The following TASOR variants were observed in gnomAD, a reference collection of about 807,000 sequenced individuals.
TASOR encodes the protein transcription activation suppressor.
Under a neutral mutation model 178.6 loss-of-function variants are expected in TASOR, and 53 were observed. That is an observed-to-expected ratio of 0.30 (90% CI 0.24 to 0.37). The LOEUF (loss-of-function observed/expected upper bound fraction) is 0.37, where lower values mean the gene tolerates loss of function less well. Among genes scored for constraint, TASOR ranks in the 10% least tolerant of loss-of-function variants. The pLI is 1.00. For missense variants in TASOR, 1,815 were observed against 1,971.4 expected, an observed-to-expected ratio of 0.92 and a Z score of 1.50; for synonymous variants, 713 against 696.2, an observed-to-expected ratio of 1.02 and a Z score of -0.38.
chr3:56,671,468 C>G, intron 3 of TASOR, 132 bp downstream of exon 3: 3 of 589,516 alleles, frequency 5.1e-6, no homozygotes, highest in Non-Finnish European at 8.5e-6. Flanking sequence ...CATTTTGCCC[C>G]ATTAAATCAT....
intron 1 of TASOR, among the ~76,000 whole-genome samples, chr3:56,675,412 G>A (rs1697834128): frequency 1.4e-5 from 2 of 147,606 alleles, no homozygotes; most frequent in African/African-American, 5.0e-5. Context: ...CCTGACCTCA[G>A]GTAATCCACC....
intron 17 of TASOR, 24 bp from the exon 18 acceptor site, chr3:56,633,990 A>T (rs1027627849): frequency 6.8e-7 from 1 of 1,479,358 alleles, no homozygotes; most frequent in African/African-American, 1.4e-5. Context: ...GTTCATTATT[A>T]TAAGAGCAAT....
chr3:56,637,216 A>G (rs1414823398), intron 17 of TASOR, among the ~76,000 whole-genome samples: 3 of 152,210 alleles, frequency 2.0e-5, no homozygotes, highest in African/African-American at 7.2e-5. Context: ...GAAACGTTCT[A>G]CATCTTGATT....
At chr3:56,674,043 T>A (rs2031015481) in intron 1 of TASOR, among the ~76,000 whole-genome samples, 1 of 152,054 alleles carries the variant, frequency 6.6e-6, no homozygotes, top group Non-Finnish European at 1.5e-5. Context: ...GAACCTGTGT[T>A]TATACTCAAC....
chr3:56,669,493 C>T (rs147874561), intron 5 of TASOR, among the ~76,000 whole-genome samples: 4,038 of 151,996 alleles, frequency 0.027, 96 homozygotes, highest in African/African-American at 0.06. Flanking sequence ...GGCAACAGAG[C>T]GAGACTCCAT....
intron 11 of TASOR, among the ~76,000 whole-genome samples, chr3:56,659,875 T>C (rs935439303): frequency 6.6e-6 from 1 of 151,982 alleles, no homozygotes; most frequent in African/African-American, 2.4e-5. Flanking sequence ...TTGGATTTTC[T>C]TTTTTCTTTT....
chr3:56,644,459 G>C (rs970133901), intron 14 of TASOR, among the ~76,000 whole-genome samples: 3 of 152,082 alleles, frequency 2.0e-5, no homozygotes, highest in East Asian at 3.8e-4. Context: ...TATAAGGCTT[G>C]AAAGAAATGG....
intron 7 of TASOR, among the ~76,000 whole-genome samples, chr3:56,664,872 A>G (rs2077673371): frequency 6.6e-6 from 1 of 152,228 alleles, no homozygotes; most frequent in African/African-American, 2.4e-5. Context: ...AGAAAACCAA[A>G]AAAAAGGAAA....
intron 6 of TASOR, among the ~76,000 whole-genome samples, chr3:56,667,490 TA>T (rs542212239): frequency 1.8e-4 from 27 of 151,282 alleles, no homozygotes; most frequent in Non-Finnish European, 3.1e-4. Context: ...CCATCTCTAC[TA>T]AAAAAAATAC....
rs112407887 is a variant in TASOR, at chr3:56,657,329, A to G, written c.1368+3402T>C. On this transcript the variant is annotated intron_variant, in intron 11 of 23. Transcript: ENST00000683822. ...GCAACAGAGCAAGGCTCTGTCTCGA[A>G]AAAAAAAAAAAAAAAAGTCAATATA... 5.3e-3 allele frequency among the ~76,000 whole-genome samples: 703 copies of G among 131,914 alleles called. 8 individuals are homozygous for G. The highest frequency in any genetic ancestry group is 0.019 in the African/African-American group (658 of 34,584). 86.5% of individuals were successfully genotyped at this position (131,914 alleles called of 152,430 possible).
At chr3:56,639,069 C>G (rs2077070451) in intron 16 of TASOR, among the ~76,000 whole-genome samples, 1 of 152,190 alleles carries the variant, frequency 6.6e-6, no homozygotes, top group Admixed American at 6.5e-5. Flanking sequence ...TAGGTTCCCT[C>G]TATCATCACC....
At chr3:56,636,836 A>G (rs1300434060) in intron 17 of TASOR, among the ~76,000 whole-genome samples, 1 of 152,204 alleles carries the variant, frequency 6.6e-6, no homozygotes, top group Non-Finnish European at 1.5e-5. Flanking sequence ...GTATTTCCAA[A>G]TAAGAGGAAT....
At chr3:56,668,064 T>C (rs62251230) in intron 6 of TASOR, among the ~76,000 whole-genome samples, 7,472 of 152,282 alleles carry the variant, frequency 0.049, 192 homozygotes, top group East Asian at 0.091. Context: ...GAGATCTTTC[T>C]AGGCCAGGAA....
intron 19 of TASOR, among the ~76,000 whole-genome samples, chr3:56,628,019 G>GT (rs1578186977): frequency 6.6e-6 from 1 of 152,200 alleles, no homozygotes; most frequent in East Asian, 1.9e-4. Context: ...TCTATAACCT[G>GT]TGAGTACAGT....
chr3:56,683,058 G>GT lies in TASOR; in HGVS notation c.-53dup. On this transcript the variant is annotated 5_prime_UTR_variant, in exon 1 of 24. Transcript: ENST00000683822. ...GCTTCTGCCCACAAGGTCGACGGGT[G>GT]TGGGGGGAAGGGGCGGCGGGCCAGT... is the stretch of plus-strand genomic sequence containing the variant. The GT allele has an allele frequency of 6.9e-7, 1 of 1,446,208 alleles. No homozygotes were observed. Among genetic ancestry groups the GT allele is most frequent in the Non-Finnish European group, 9.1e-7 (1 of 1,097,084 alleles). 89.6% of individuals were successfully genotyped at this position (1,446,208 alleles called of 1,614,324 possible).
chr3:56,674,904 C>T (rs754640075), intron 1 of TASOR, among the ~76,000 whole-genome samples: 3 of 152,126 alleles, frequency 2.0e-5, no homozygotes, highest in East Asian at 1.9e-4. Flanking sequence ...CTGCAAGCTC[C>T]GCCTCCAAGG....
intron 18 of TASOR, chr3:56,629,210 TGA>T (rs1244831949): frequency 6.6e-6 from 1 of 152,180 alleles, no homozygotes; most frequent in African/African-American, 2.4e-5. Flanking sequence ...AGTAACAGTG[TGA>T]GTTAACAGAA....
At position 56,631,584 on chromosome 3, in the gene TASOR, G is replaced by GTTTT. The variant is rs932459148; in HGVS notation, c.3747+1456_3747+1459dup. Among the ~76,000 whole-genome samples the GTTTT allele has an allele frequency of 8.1e-3, 913 of 113,344 alleles. 19 individuals are homozygous for GTTTT. The highest frequency in any genetic ancestry group is 0.03 in the African/African-American group (829 of 27,598). 74.4% of individuals were successfully genotyped at this position (113,344 alleles called of 152,430 possible). Reference sequence around the variant, plus strand: ...TGTGTGTGTGTGTCTGTGTTTTTTTGTTTTTTTTTTTTTTTTTGAGATGGA... The same window carrying GTTTT: ...TGTGTGTGTGTGTCTGTGTTTTTTTGTTTTTTTTTTTTTTTTTTTTTGAGATGGA... On this transcript the variant is annotated intron_variant, in intron 18 of 23. Coordinates refer to ENST00000683822, the MANE Select transcript of TASOR (RefSeq NM_001365635.2).
At chr3:56,640,314 A>G (rs1275866122) in intron 15 of TASOR, among the ~76,000 whole-genome samples, 184 bp from the exon 16 acceptor site, 2 of 152,252 alleles carry the variant, frequency 1.3e-5, no homozygotes, top group Non-Finnish European at 2.9e-5. Flanking sequence ...ACATAATTTT[A>G]TGTTAATTTA....
Sources: gnomAD v4.1 joint callset for allele counts (sites outside exome capture counted in the v4.1 genomes callset) on GRCh38, gnomAD v4.1.1 for gene constraint, MANE v1.5 for transcripts, NCBI Gene and HGNC (gene_info 2026-07-23, HGNC 2026-07-21) for gene names.